COLEC12: variants seen among roughly 807,000 people sequenced by gnomAD.
The protein encoded by COLEC12 is collectin-12.
In COLEC12, 33 loss-of-function variants were observed where a neutral mutation model predicts 71.1. That is an observed-to-expected ratio of 0.46 (90% confidence interval 0.35 to 0.62). The LOEUF is 0.62. Among genes scored for constraint, COLEC12 ranks in the 20% least tolerant of loss-of-function variants. The pLI is 0.00. For synonymous variants in COLEC12, 350 were observed against 353.0 expected (o/e 0.99, Z 0.10); for missense variants, 765 against 916.1 (o/e 0.84, Z 2.13).
intron 2 of COLEC12, among the ~76,000 whole-genome samples, chr18:402,247 G>A (rs889943724): frequency 1.3e-5 from 2 of 152,122 alleles, no homozygotes; most frequent in Non-Finnish European, 2.9e-5. Flanking sequence ...GAGGTTTCCC[G>A]TTGGTTCCTC....
chr18:465,292 A>C lies in COLEC12; in HGVS notation c.58+15415T>G, dbSNP rs556925865. On this transcript the variant is annotated intron_variant, in intron 2 of 9. Coordinates refer to ENST00000400256, the MANE Select transcript of COLEC12 (RefSeq NM_130386.3). ...TAATTTTTGTATTTTTAGTAGAGAC[A>C]GGGTTTCACAATGTTGGCCAGGCTG... 3.3e-5 allele frequency among the ~76,000 whole-genome samples: 5 copies of C among 152,184 alleles called. No homozygotes were observed. In the East Asian group the frequency reaches 9.7e-4, roughly 29 times the overall value.
At chr18:368,856 A>G (rs917270418) in intron 2 of COLEC12, among the ~76,000 whole-genome samples, 26 of 152,192 alleles carry the variant, frequency 1.7e-4, no homozygotes, top group Non-Finnish European at 2.9e-5. Context: ...ACAGAGCGAG[A>G]CTCCGTCTCA....
At chr18:361,345 T>C (rs1331108430) in intron 2 of COLEC12, among the ~76,000 whole-genome samples, 1 of 152,148 alleles carries the variant, frequency 6.6e-6, no homozygotes, top group Admixed American at 6.5e-5. Flanking sequence ...CTCTCTCTAG[T>C]CATCGTTTCC....
chr18:337,965 A>G (rs1914156418), intron 5 of COLEC12, among the ~76,000 whole-genome samples: 1 of 151,936 alleles, frequency 6.6e-6, no homozygotes. Flanking sequence ...TGATCTTCCT[A>G]CCTGTGATTC....
chr18:402,750 G>A (rs946682113), intron 2 of COLEC12, among the ~76,000 whole-genome samples: 2 of 137,682 alleles, frequency 1.5e-5, no homozygotes, highest in African/African-American at 2.7e-5. Context: ...TGGGTCAGCA[G>A]GAGTGTGCAC....
Position 500,246 on chromosome 18 carries a change from C to T in COLEC12, c.7+262G>A, listed in dbSNP as rs1364745448. Among the ~76,000 whole-genome samples, 1 of 152,192 alleles carries T rather than the reference C, an allele frequency of 6.6e-6. No individual in the cohort carries two copies. The highest frequency in any genetic ancestry group is 1.5e-5 in the Non-Finnish European group (1 of 68,024). ...GGAATCCGTAAACAACGACTTAGGG[C>T]TTCAAACTACTTGCAAAGACGCGAT... On this transcript the variant is annotated intron_variant, in intron 1 of 9. Coordinates refer to ENST00000400256, the MANE Select transcript of COLEC12 (RefSeq NM_130386.3). The surrounding 1 kb of genome is among the most constrained non-coding windows in gnomAD (Gnocchi z 5.3).
At chr18:410,442 CTT>C (rs113699478) in intron 2 of COLEC12, among the ~76,000 whole-genome samples, 18 of 144,510 alleles carry the variant, frequency 1.2e-4, no homozygotes, top group African/African-American at 7.6e-5. Flanking sequence ...AGTTGTTCTT[CTT>C]TTTTTTTTTT....
chr18:321,588 T>C, intron 9 of COLEC12, 74 bp downstream of exon 9: 1 of 1,553,590 alleles, frequency 6.4e-7, no homozygotes, highest in South Asian at 1.1e-5. Flanking sequence ...TTCAGGGCCC[T>C]TGTACTCACC....
intron 2 of COLEC12, among the ~76,000 whole-genome samples, chr18:440,970 C>G (rs996647222): frequency 1.3e-5 from 2 of 152,090 alleles, no homozygotes; most frequent in Non-Finnish European, 2.9e-5. Flanking sequence ...CTATGCAGGC[C>G]GGGCGTGGTG....
At chr18:338,984 A>ATTTTTTTTTTTTTTTTTTTTTTTTT (rs33991062) in intron 5 of COLEC12, among the ~76,000 whole-genome samples, 1 of 144,488 alleles carries the variant, frequency 6.9e-6, no homozygotes. Context: ...TATTGTCTTA[A>ATTTTTTTTTTTTTTTTTTTTTTTTT]TTTTTTTTTT....
intron 2 of COLEC12, among the ~76,000 whole-genome samples, chr18:473,117 C>G (rs951416988): frequency 2.6e-5 from 4 of 152,086 alleles, no homozygotes; most frequent in Non-Finnish European, 5.9e-5. Flanking sequence ...TGAGGCTTAG[C>G]TAGTAAAAGA....
chr18:480,702 C>T lies in COLEC12; in HGVS notation c.58+5G>A. The T allele has an allele frequency of 1.2e-6, 2 of 1,613,788 alleles. No homozygotes were observed. The highest frequency in any genetic ancestry group is 1.7e-6 in the Non-Finnish European group (2 of 1,179,684). ...GAGAAGGAACACAGCTTTGTTAGGA[C>T]TCACCAAACCGCTTGTAACCGAAGG... On this transcript the variant is annotated splice_donor_5th_base_variant and intron_variant, in intron 2 of 9. Transcript: ENST00000400256. The surrounding 1 kb of genome is among the most constrained non-coding windows in gnomAD (Gnocchi z 4.1).
intron 5 of COLEC12, among the ~76,000 whole-genome samples, 160 bp from the exon 6 acceptor site, chr18:335,390 A>G (rs994881507): frequency 1.3e-5 from 2 of 152,194 alleles, no homozygotes; most frequent in Non-Finnish European, 2.9e-5. Context: ...GTAGACTGTT[A>G]TGGGCTAAAT....
At chr18:381,705 T>A (rs188949854) in intron 2 of COLEC12, among the ~76,000 whole-genome samples, 167 of 152,268 alleles carry the variant, frequency 1.1e-3, no homozygotes, top group African/African-American at 3.4e-3. Context: ...TTACTTGTCA[T>A]GAAGGAAAAA....
chr18:498,587 C>T (rs1234168880), intron 1 of COLEC12, among the ~76,000 whole-genome samples: 1 of 152,110 alleles, frequency 6.6e-6, no homozygotes, highest in Non-Finnish European at 1.5e-5. Flanking sequence ...TCTCGAACTC[C>T]TGACTTCGAG....
chr18:430,022 T>C (rs1483519440), intron 2 of COLEC12, among the ~76,000 whole-genome samples: 1 of 152,166 alleles, frequency 6.6e-6, no homozygotes, highest in African/African-American at 2.4e-5. Context: ...GCCTGGCCTA[T>C]GGAATTTGCT....
chr18:352,832 A>G (rs1363228768), intron 3 of COLEC12, among the ~76,000 whole-genome samples: 1 of 152,232 alleles, frequency 6.6e-6, no homozygotes, highest in Non-Finnish European at 1.5e-5. Context: ...ATTACCCTGG[A>G]AATTCCCAGT....
Position 335,236 on chromosome 18 carries a change from G to A in COLEC12, c.1328-6C>T, listed in dbSNP as rs1416445488. The A allele has an allele frequency of 3.2e-6, 5 of 1,569,228 alleles. No individual in the cohort carries two copies. The highest frequency in any genetic ancestry group is 4.3e-5 in the Admixed American group (2 of 46,038). On this transcript the variant is annotated splice_region_variant and splice_polypyrimidine_tract_variant and intron_variant, in intron 5 of 9. Transcript: ENST00000400256. ...ACCCCTGGGGCCCGGTGGACCTAAAGCATAAAAGAAAAAGGTGTCAACATG... is the reference window on the plus strand; with the variant it reads ...ACCCCTGGGGCCCGGTGGACCTAAAACATAAAAGAAAAAGGTGTCAACATG...
chr18:363,020 G>A (rs1413781759), intron 2 of COLEC12, among the ~76,000 whole-genome samples: 1 of 152,030 alleles, frequency 6.6e-6, no homozygotes, highest in Non-Finnish European at 1.5e-5. Context: ...CACATTTCAA[G>A]TAAGAAGCTG....
Sources: allele counts gnomAD v4.1 joint callset (sites outside exome capture counted in the v4.1 genomes callset), GRCh38; gene constraint gnomAD v4.1.1; non-coding constraint Gnocchi (gnomAD v3.1); transcripts MANE v1.5; gene names NCBI Gene and HGNC (gene_info 2026-07-23, HGNC 2026-07-21).